The following PGBD1 variants were observed in gnomAD, a reference collection of about 807,000 sequenced individuals.
PGBD1 encodes piggyBac transposable element derived 1, also known as piggyBac transposable element-derived protein 1.
Under a neutral mutation model 34.7 loss-of-function variants are expected in PGBD1, and 25 were observed. The observed-to-expected ratio is 0.72, with a 90% CI of 0.52 to 1.00. The LOEUF is 1.00. Among genes scored for constraint, PGBD1 ranks in the 50% least tolerant of loss-of-function variants. The pLI, the probability that PGBD1 is intolerant of heterozygous loss-of-function variation, is 0.00. For synonymous variants in PGBD1, 292 were observed against 335.7 expected, an observed-to-expected ratio of 0.87 and a Z score of 1.42; for missense variants, 830 against 959.4, an observed-to-expected ratio of 0.87 and a Z score of 1.78.
At chr6:28,291,588 C>T (rs1164405017) in intron 4 of PGBD1, among the ~76,000 whole-genome samples, 1 of 150,774 alleles carries the variant, frequency 6.6e-6, no homozygotes, top group African/African-American at 2.4e-5. Context: ...GGGACTACTT[C>T]CAAATTCATT....
At position 28,301,877 on chromosome 6, in the gene PGBD1, G is replaced by A; in HGVS notation, c.2023G>A (p.Asp675Asn). The A allele has an allele frequency of 1.2e-6, 2 of 1,614,132 alleles. No individual in the cohort carries two copies. Among genetic ancestry groups the A allele is most frequent in the Non-Finnish European group, 1.7e-6 (2 of 1,180,024 alleles). Residue 675 changes from aspartate to asparagine, a missense_variant, in exon 7 of 7, where the codon GAT (aspartate) becomes AAT (asparagine). Physicochemically the swap from Asp to Asn is conservative, Grantham distance 23. Around this residue, in one of 3 missense-constraint regions of PGBD1, gnomAD observed 372 missense variants for 427.9 expected, o/e 0.87. Coordinates refer to ENST00000682144, the MANE Select transcript of PGBD1 (RefSeq NM_032507.4). ...GAAAAAAATGAAGAGAGGGTATTTT[G>A]ATTTCCGAATAGAAGAAAACAATGA... ...HMKKMKRGYF[D>N]FRIEENNEII...
chr6:28,288,621 C>A (rs991041361), intron 4 of PGBD1, among the ~76,000 whole-genome samples: 1 of 151,822 alleles, frequency 6.6e-6, no homozygotes, highest in Non-Finnish European at 1.5e-5. Context: ...TTTGGGAGGC[C>A]ATGGCAGGAG....
At position 28,297,845 on chromosome 6, in the gene PGBD1, T is replaced by C. The variant is rs10456363; in HGVS notation, c.773-50T>C. The C allele has an allele frequency of 3.9e-5, 11 of 283,748 alleles. No homozygotes were observed. The East Asian group carries it at 4.1e-4, about 11-fold the overall frequency. The allele number at this position is 283,748 out of a possible 1,614,324, so 17.6% of individuals were successfully genotyped here. ...TTTTTTTTTTTTTTTTTTTTTTTTT[T>C]CAAAATTCACATAACAGATGACATT... On this transcript the variant is annotated intron_variant, in intron 5 of 6. Transcript: ENST00000682144.
Position 28,283,808 on chromosome 6 carries a change from C to T in PGBD1, c.-6C>T, listed in dbSNP as rs771472641. ...GCTAAGTGAAGCTTTAGCCTCTAAGCTCAACATGTATGAAGCTTTGCCAGG... is the reference window on the plus strand; with the variant it reads ...GCTAAGTGAAGCTTTAGCCTCTAAGTTCAACATGTATGAAGCTTTGCCAGG... On this transcript the variant is annotated 5_prime_UTR_variant, in exon 2 of 7. Transcript: ENST00000682144. 5.7e-6 allele frequency: 9 copies of T among 1,575,592 alleles called. No individual in the cohort carries two copies. Among genetic ancestry groups the T allele is most frequent in the African/African-American group, 1.4e-5 (1 of 73,796 alleles).
chr6:28,302,321 A>T lies in PGBD1; in HGVS notation c.*37A>T, dbSNP rs780198963. ...TGGACATAGTGCAGACATTAATAAGACATAGAAAAATAATAATTATACATG... is the reference window on the plus strand; with the variant it reads ...TGGACATAGTGCAGACATTAATAAGTCATAGAAAAATAATAATTATACATG... On this transcript the variant is annotated 3_prime_UTR_variant, in exon 7 of 7. Transcript: ENST00000682144. The T allele has an allele frequency of 6.4e-7, 1 of 1,552,058 alleles. No homozygotes were observed. Among genetic ancestry groups the T allele is most frequent in the Non-Finnish European group, 8.7e-7 (1 of 1,148,120 alleles).
intron 4 of PGBD1, 110 bp downstream of exon 4, chr6:28,287,278 G>A (rs936618700): frequency 1.1e-6 from 1 of 898,956 alleles, no homozygotes; most frequent in Admixed American, 1.9e-5. Context: ...AGCCATTCAG[G>A]TGGCATAGTC....
chr6:28,298,048 G>T, intron 6 of PGBD1, 57 bp downstream of exon 6: 1 of 1,233,058 alleles, frequency 8.1e-7, no homozygotes, highest in South Asian at 1.3e-5. Context: ...AATTGGAATG[G>T]AATCAGAGAA....
chr6:28,290,000 T>C (rs535679066), intron 4 of PGBD1, among the ~76,000 whole-genome samples: 16 of 152,306 alleles, frequency 1.1e-4, no homozygotes, highest in South Asian at 1.0e-3. Flanking sequence ...TTTGTAAGCC[T>C]CATGATAACT....
chr6:28,294,084 G>C (rs1277005582), intron 4 of PGBD1, among the ~76,000 whole-genome samples: 1 of 152,236 alleles, frequency 6.6e-6, no homozygotes, highest in Non-Finnish European at 1.5e-5. Context: ...CTACTCTGGT[G>C]AACATATGAA....
intron 1 of PGBD1, 74 bp downstream of exon 1, chr6:28,281,992 G>A (rs1290447805): frequency 6.6e-6 from 1 of 152,268 alleles, no homozygotes; most frequent in Non-Finnish European, 1.5e-5. Context: ...GATGGGGTTG[G>A]TGATCTGTAA....
chr6:28,300,247 A>G lies in PGBD1; in HGVS notation c.870-477A>G, dbSNP rs755309485. 1.9e-4 allele frequency among the ~76,000 whole-genome samples: 29 copies of G among 152,222 alleles called. No individual in the cohort carries two copies. The highest frequency in any genetic ancestry group is 3.1e-4 in the Non-Finnish European group (21 of 68,044). On this transcript the variant is annotated intron_variant, in intron 6 of 6. Transcript: ENST00000682144. The surrounding 1 kb of genome is among the most constrained non-coding windows in gnomAD (Gnocchi z 4.0). ...TTTTTCTTGTTCAGATTCAGAACCA[A>G]TTGACAGGGATGCAGGAGTAAAATA...
intron 4 of PGBD1, among the ~76,000 whole-genome samples, chr6:28,290,319 C>CT (rs1224444344): frequency 3.9e-5 from 6 of 152,116 alleles, no homozygotes; most frequent in Non-Finnish European, 8.8e-5. Context: ...CTGGCTTGAA[C>CT]TTCTGGCCTC....
At chr6:28,287,256 C>A in intron 4 of PGBD1, 88 bp downstream of exon 4, 1 of 1,167,522 alleles carries the variant, frequency 8.6e-7, no homozygotes, top group South Asian at 1.2e-5. Context: ...GGCTCACACT[C>A]ATCATCGTGA....
rs753184868 is a variant in PGBD1, at chr6:28,301,749, G to A, written c.1895G>A (p.Ser632Asn). 2 of 1,614,168 alleles carry A rather than the reference G, an allele frequency of 1.2e-6. No homozygotes were observed. The highest frequency in any genetic ancestry group is 1.7e-6 in the Non-Finnish European group (2 of 1,180,028). ...CTGTGTTTTGATAGCTTCTTTACAA[G>A]TGTCAAATTGTTGTCAGCCTTGAAA... ...YHLCFDSFFTSVKLLSALKKK... is the reference protein window; with the variant it reads ...YHLCFDSFFTNVKLLSALKKK... The change falls in exon 7 of 7, where the codon AGT (serine) becomes AAT (asparagine). Residue 632 changes from serine to asparagine, a missense_variant. This residue lies in a region of PGBD1 where 372 missense variants were observed against 427.9 expected (regional missense o/e 0.87). Coordinates refer to ENST00000682144, the MANE Select transcript of PGBD1 (RefSeq NM_032507.4).
At position 28,300,786 on chromosome 6, in the gene PGBD1, T is replaced by A. The variant is rs1762804868; in HGVS notation, c.932T>A (p.Leu311Ter). The A allele has an allele frequency of 6.2e-7, 1 of 1,614,164 alleles. No individual in the cohort carries two copies. The highest frequency in any genetic ancestry group is 8.5e-7 in the Non-Finnish European group (1 of 1,180,028). Residue 311 changes from leucine to a stop codon, truncating the protein, a stop_gained, in exon 7 of 7, where the codon TTG becomes TAG. Coordinates refer to ENST00000682144, the MANE Select transcript of PGBD1 (RefSeq NM_032507.4). LOFTEE classifies it low-confidence loss of function (END_TRUNC). The surrounding 1 kb of genome is among the most constrained non-coding windows in gnomAD (Gnocchi z 4.0). ...PIATERTVAHLNTLKDRHPGD... is the reference protein window; with the variant it reads ...PIATERTVAH ...GCTACTGAAAGGACAGTTGCACATTTGAACACTCTGAAGGACCGTCACCCA... is the reference window on the plus strand; with the variant it reads ...GCTACTGAAAGGACAGTTGCACATTAGAACACTCTGAAGGACCGTCACCCA...
At chr6:28,293,892 CTA>C (rs1484913408) in intron 4 of PGBD1, among the ~76,000 whole-genome samples, 1 of 152,104 alleles carries the variant, frequency 6.6e-6, no homozygotes, top group Non-Finnish European at 1.5e-5. Flanking sequence ...ACAGTGACCT[CTA>C]TGTGTTCAAG....
At chr6:28,284,282 AT>A in intron 2 of PGBD1, 73 bp downstream of exon 2, 2 of 1,396,326 alleles carry the variant, frequency 1.4e-6, no homozygotes, top group South Asian at 3.4e-5. Flanking sequence ...TTAACGTTTT[AT>A]TTTGAAATAA....
rs554010120 is a variant in PGBD1 at position 28,283,958 on chromosome 6, C to A, written c.145C>A (p.His49Asn). 1 of 1,614,176 alleles carries A rather than the reference C, an allele frequency of 6.2e-7. No individual in the cohort carries two copies. Among genetic ancestry groups the A allele is most frequent in the South Asian group, 1.1e-5 (1 of 91,088 alleles). The change falls in exon 2 of 7, where the codon CAC (histidine) becomes AAC (asparagine). Residue 49 changes from histidine to asparagine, a missense_variant. Physicochemically the swap from His to Asn is moderately conservative, Grantham distance 68. This residue lies in a region of PGBD1 where 457 missense variants were observed against 515.4 expected (regional missense o/e 0.89). Transcript: ENST00000682144. ...GGAGATTTGCCGCCTGCGCTTTCGGCACTTCTGCTACCAGGAGGCTCACGG... is the reference window on the plus strand; with the variant it reads ...GGAGATTTGCCGCCTGCGCTTTCGGAACTTCTGCTACCAGGAGGCTCACGG... ...TQEICRLRFR[H>N]FCYQEAHGPQ...
In PGBD1 at chr6:28,301,820, G is replaced by A. The variant is rs200203742; in HGVS notation, c.1966G>A (p.Glu656Lys). 12 of 1,613,914 alleles carry A rather than the reference G, an allele frequency of 7.4e-6. 1 individual carries two copies. Among genetic ancestry groups the A allele is most frequent in the Non-Finnish European group, 1.0e-5 (12 of 1,180,010 alleles). ...ATGTIRENRT[E>K]KCPLMNVEHM... ...AGGAACAATTCGTGAGAACAGGACC[G>A]AAAAATGTCCCCTTATGAATGTAGA... Residue 656 changes from glutamate to lysine, a missense_variant, in exon 7 of 7, where the codon GAA (glutamate) becomes AAA (lysine). Physicochemically the swap from Glu to Lys is moderately conservative, Grantham distance 56 (BLOSUM62 1). This residue lies in a region of PGBD1 where 372 missense variants were observed against 427.9 expected (regional missense o/e 0.87). Transcript: ENST00000682144.
Sources: allele counts gnomAD v4.1 joint callset (sites outside exome capture counted in the v4.1 genomes callset), GRCh38; gene constraint gnomAD v4.1.1; regional missense constraint gnomAD v4.1.1; non-coding constraint Gnocchi (gnomAD v3.1); transcripts MANE v1.5; gene names NCBI Gene and HGNC (gene_info 2026-07-23, HGNC 2026-07-21).